DNAH12: variants seen among roughly 807,000 people sequenced by gnomAD.
DNAH12 encodes axonemal beta dynein heavy chain 12.
In DNAH12, 285 loss-of-function variants were observed where a neutral mutation model predicts 371.5. The ratio of observed to expected loss-of-function variants is 0.77; its 90% CI spans 0.70 to 0.85. The LOEUF is 0.85. Among genes scored for constraint, DNAH12 ranks in the 40% least tolerant of loss-of-function variants. DNAH12 has a pLI of 0.00. For synonymous variants in DNAH12, 1,200 were observed against 1,213.0 expected (o/e 0.99, Z 0.22); for missense variants, 3,611 against 3,689.4 (o/e 0.98, Z 0.55).
rs1559653751 is a variant in DNAH12 at position 57,433,679 on chromosome 3, T to C, written c.4805A>G (p.Gln1602Arg). 3 of 1,550,670 alleles carry C rather than the reference T, an allele frequency of 1.9e-6. No homozygotes were observed. The highest frequency in any genetic ancestry group is 2.6e-6 in the Non-Finnish European group (3 of 1,146,830). The change falls in exon 31 of 74, where the codon CAA (glutamine) becomes CGA (arginine). Residue 1602 changes from glutamine to arginine, a missense_variant. Physicochemically the swap from Gln to Arg is conservative, Grantham distance 43. This residue lies in a region of DNAH12 where 2,266 missense variants were observed against 2,236.9 expected (regional missense o/e 1.01). Transcript: ENST00000495027. ...TVNPKSITMG[Q>R]LFGQFDPVSH... ...CACTGGGTCAAACTGTCCAAAAAGT[T>C]GGCCCATAGTAATAGATTTGGGGTT...
intron 4 of DNAH12, chr3:57,519,754 T>C: frequency 6.2e-7 from 1 of 1,608,782 alleles, no homozygotes; most frequent in South Asian, 1.1e-5. Context: ...CATGCAGCAG[T>C]TGCGGAAGGA....
At position 57,507,747 on chromosome 3, in the gene DNAH12, G is replaced by C; in HGVS notation, c.793C>G (p.Pro265Ala). The stretch of plus-strand genomic sequence containing the variant: ...TTGGTAAAGAGATTTATAACCTTTG[G>C]ATACCATGTATTCATTATCTTCTCT... ...AEEKIMNTWY[P>A]KVINLFTKKE... Residue 265 changes from proline (P) to alanine (A), a missense_variant, in exon 8 of 74, where the codon CCA becomes GCA. Around this residue, in one of 3 missense-constraint regions of DNAH12, gnomAD observed 1,314 missense variants for 1,398.7 expected, o/e 0.94. Transcript: ENST00000495027. 1 of 1,611,374 alleles carries C rather than the reference G, an allele frequency of 6.2e-7. No homozygotes were observed. The highest frequency in any genetic ancestry group is 8.5e-7 in the Non-Finnish European group (1 of 1,179,560).
chr3:57,455,068 T>C (rs2065864852), intron 22 of DNAH12, among the ~76,000 whole-genome samples, 174 bp from the exon 23 acceptor site: 1 of 152,128 alleles, frequency 6.6e-6, no homozygotes, highest in South Asian at 2.1e-4. Context: ...ATTATTATTA[T>C]GTTTTTGAAA....
chr3:57,421,824 G>T, intron 35 of DNAH12, 118 bp from the exon 36 acceptor site: 1 of 1,102,202 alleles, frequency 9.1e-7, no homozygotes. Context: ...AAGGTCGTAA[G>T]TGTAAATAAA....
At chr3:57,468,425 C>G (rs1209153750) in intron 17 of DNAH12, among the ~76,000 whole-genome samples, 1 of 152,014 alleles carries the variant, frequency 6.6e-6, no homozygotes, top group African/African-American at 2.4e-5. Flanking sequence ...GAGTTTGAGA[C>G]CAGCCTGGGC....
Position 57,470,429 on chromosome 3 carries a change from T to C in DNAH12, c.2105+14A>G. On this transcript the variant is annotated intron_variant, in intron 16 of 73. Coordinates refer to ENST00000495027, the MANE Select transcript of DNAH12 (RefSeq NM_001366028.2). ...TATCATTTGCTTGATTTTTATTACA[T>C]TACCAGCAATTACCGTTTTTCTGAT... 3 of 1,494,964 alleles carry C rather than the reference T, an allele frequency of 2.0e-6. No individual in the cohort carries two copies. The highest frequency in any genetic ancestry group is 2.7e-6 in the Non-Finnish European group (3 of 1,124,610). The allele number at this position is 1,494,964 out of a possible 1,614,324, so 92.6% of individuals were successfully genotyped here. A position where few individuals can be genotyped will look rare whatever the true frequency, so the allele number is the denominator to read the frequency against.
At chr3:57,326,052 G>C (rs1036037351) in intron 62 of DNAH12, among the ~76,000 whole-genome samples, 1 of 152,128 alleles carries the variant, frequency 6.6e-6, no homozygotes, top group Non-Finnish European at 1.5e-5. Context: ...AGAAATATGG[G>C]ACTATGGGAA....
chr3:57,520,045 T>C (rs9818773), intron 4 of DNAH12: 302,895 of 647,290 alleles, frequency 0.47, 74,947 homozygotes, highest in Middle Eastern at 0.59. Context: ...GACGTTGGGT[T>C]GGGGAAAGCC....
At chr3:57,534,136 G>GA (rs2068944557) in intron 2 of DNAH12, among the ~76,000 whole-genome samples, 1 of 151,902 alleles carries the variant, frequency 6.6e-6, no homozygotes, top group Non-Finnish European at 1.5e-5. Flanking sequence ...TTTCCACTGT[G>GA]ACAAGGCAGC....
At chr3:57,326,150 G>A (rs957367305) in intron 62 of DNAH12, among the ~76,000 whole-genome samples, 3 of 152,008 alleles carry the variant, frequency 2.0e-5, no homozygotes, top group African/African-American at 7.2e-5. Context: ...ATATTATCCA[G>A]GAGAACTTCC....
intron 7 of DNAH12, 71 bp downstream of exon 7, chr3:57,508,311 A>T (rs2153393171): frequency 7.3e-7 from 1 of 1,371,410 alleles, no homozygotes. Flanking sequence ...ATTCCATTTT[A>T]AAAATTATAC....
At chr3:57,449,369 G>A (rs1056087170) in intron 25 of DNAH12, among the ~76,000 whole-genome samples, 3 of 152,256 alleles carry the variant, frequency 2.0e-5, no homozygotes, top group Non-Finnish European at 2.9e-5. Context: ...TTGGGTGGTC[G>A]ATGGGACTGG....
At position 57,311,679 on chromosome 3, in the gene DNAH12, A is replaced by G. The variant is rs1038436783; in HGVS notation, c.10663-729T>C. ...GGGCTGCTGCTAGACAATACACAGGAGAGCTGCCCACAGCAAAGAACTATC... is the reference window on the plus strand; with the variant it reads ...GGGCTGCTGCTAGACAATACACAGGGGAGCTGCCCACAGCAAAGAACTATC... On this transcript the variant is annotated intron_variant, in intron 66 of 73. Transcript: ENST00000495027. 3.3e-5 allele frequency among the ~76,000 whole-genome samples: 5 copies of G among 152,310 alleles called. No individual in the cohort carries two copies. In the East Asian group the frequency reaches 9.7e-4, roughly 29 times the overall value.
chr3:57,303,969 C>T (rs891723854), intron 69 of DNAH12, among the ~76,000 whole-genome samples: 12 of 152,240 alleles, frequency 7.9e-5, no homozygotes, highest in African/African-American at 2.9e-4. Flanking sequence ...AATGGCTGGT[C>T]CATGCCTTAA....
At chr3:57,360,366 A>G in intron 58 of DNAH12, among the ~76,000 whole-genome samples, 1 of 152,224 alleles carries the variant, frequency 6.6e-6, no homozygotes, top group South Asian at 2.1e-4. Flanking sequence ...AAATCTATCC[A>G]AAAGGGAAGG....
At position 57,320,429 on chromosome 3, in the gene DNAH12, TATC is replaced by T. The variant is rs2061780142; in HGVS notation, c.10524+1911_10524+1913del. Among the ~76,000 whole-genome samples, 3 of 152,322 alleles carry T rather than the reference TATC, an allele frequency of 2.0e-5. No homozygotes were observed. In the South Asian group the frequency reaches 6.2e-4, roughly 32 times the overall value. Reference sequence around the variant, plus strand: ...ATCTATAGACTCATAACGAATGTCTTATCATTGCTAGGTAATTCAAACGCCCAA... The same window carrying T: ...ATCTATAGACTCATAACGAATGTCTTATTGCTAGGTAATTCAAACGCCCAA... On this transcript the variant is annotated intron_variant, in intron 65 of 73. Transcript: ENST00000495027.
At chr3:57,436,637 C>T (rs1321975878) in intron 30 of DNAH12, among the ~76,000 whole-genome samples, 1 of 152,168 alleles carries the variant, frequency 6.6e-6, no homozygotes, top group African/African-American at 2.4e-5. Context: ...CCTAGGGATC[C>T]TGAACTTTGA....
At chr3:57,345,493 G>A (rs2062518194) in intron 60 of DNAH12, among the ~76,000 whole-genome samples, 1 of 152,156 alleles carries the variant, frequency 6.6e-6, no homozygotes, top group Admixed American at 6.5e-5. Flanking sequence ...ACCATGAAGA[G>A]ATCACTTTTT....
intron 69 of DNAH12, among the ~76,000 whole-genome samples, chr3:57,304,425 T>A (rs2061427537): frequency 1.3e-5 from 2 of 152,316 alleles, no homozygotes; most frequent in South Asian, 2.1e-4. Context: ...GCAGCCTTTT[T>A]TTTACTCTCT....
Sources: gnomAD v4.1 joint callset for allele counts (sites outside exome capture counted in the v4.1 genomes callset) on GRCh38, gnomAD v4.1.1 for gene constraint, gnomAD v4.1.1 regional missense constraint, MANE v1.5 for transcripts, NCBI Gene and HGNC (gene_info 2026-07-23, HGNC 2026-07-21) for gene names.